PEMT: variants seen among roughly 807,000 people sequenced by gnomAD.
The protein encoded by PEMT is phosphatidylethanolamine N-methyltransferase.
A neutral mutation model predicts 27.4 loss-of-function variants in PEMT; 23 were observed. The ratio of observed to expected loss-of-function variants is 0.84; its 90% CI spans 0.60 to 1.19. The LOEUF (loss-of-function observed/expected upper bound fraction) is 1.19. PEMT is among the 50% of genes most tolerant of loss of function. The pLI, the probability that PEMT is intolerant of heterozygous loss-of-function variation, is 0.00. For missense variants in PEMT, 307 were observed against 310.1 expected (o/e 0.99, Z 0.07); for synonymous variants, 137 against 139.1 (o/e 0.98, Z 0.11).
At chr17:17,586,471 A>G (rs1912321693) in intron 1 of PEMT, among the ~76,000 whole-genome samples, 1 of 152,124 alleles carries the variant, frequency 6.6e-6, no homozygotes, top group Non-Finnish European at 1.5e-5. Context: ...TAGAAAGCAT[A>G]CACAGTATGC....
chr17:17,551,847 T>A (rs891069316), intron 2 of PEMT, among the ~76,000 whole-genome samples: 1 of 152,146 alleles, frequency 6.6e-6, no homozygotes, highest in Non-Finnish European at 1.5e-5. Context: ...GGAACCTACC[T>A]GAGACTGAGA....
chr17:17,507,643 C>A (rs1251112835), intron 5 of PEMT: 2 of 167,006 alleles, frequency 1.2e-5, no homozygotes, highest in African/African-American at 4.8e-5. Flanking sequence ...ACAGCCAGGC[C>A]ACCACCTCTG....
At chr17:17,526,472 G>T (rs1907677310) in intron 2 of PEMT, among the ~76,000 whole-genome samples, 1 of 152,264 alleles carries the variant, frequency 6.6e-6, no homozygotes, top group Non-Finnish European at 1.5e-5. Flanking sequence ...GTGGAAGGAG[G>T]GGTAGAGCAG....
rs963989884 is a variant in PEMT at position 17,588,175 on chromosome 17, C to T, written c.96+3356G>A. ...ACGGAAAGCCTCAACCCTGCTCTGTCTTGGCTGATGCCAAAATTACTGAAG... is the reference window on the plus strand; with the variant it reads ...ACGGAAAGCCTCAACCCTGCTCTGTTTTGGCTGATGCCAAAATTACTGAAG... On this transcript the variant is annotated intron_variant, in intron 1 of 6. Transcript: ENST00000255389. 1.1e-4 allele frequency among the ~76,000 whole-genome samples: 17 copies of T among 152,326 alleles called. 1 individual carries two copies. Among genetic ancestry groups the T allele is most frequent in the African/African-American group, 4.1e-4 (17 of 41,578 alleles).
intron 2 of PEMT, among the ~76,000 whole-genome samples, chr17:17,529,352 C>G (rs534428247): frequency 3.3e-5 from 5 of 152,342 alleles, no homozygotes; most frequent in Admixed American, 3.3e-4. Context: ...GACATAGGAC[C>G]AGTGGCAGCT....
Position 17,576,962 on chromosome 17 carries a change from A to C in PEMT, c.162T>G (p.Ala54=), listed in dbSNP as rs576152627. 1.2e-6 allele frequency: 2 copies of C among 1,614,112 alleles called. No individual in the cohort carries two copies. The highest frequency in any genetic ancestry group is 2.2e-5 in the South Asian group (2 of 91,084). The change falls in exon 2 of 7, where the codon GCT becomes GCG. Residue 54 remains alanine (A), a synonymous_variant. Transcript: ENST00000255389. ...GATTGAAGGTGATGGTGATGACGGC[A>C]GCCACAAAGCTGGGATCCAGGGGGT... The part of the protein sequence containing the change: ...YVDPLDPSFV[A]AVITITFNPL...
intron 2 of PEMT, among the ~76,000 whole-genome samples, chr17:17,560,843 C>G (rs1301679933): frequency 6.6e-6 from 1 of 151,776 alleles, no homozygotes; most frequent in Non-Finnish European, 1.5e-5. Context: ...CCACCTCCAC[C>G]TCACCCCACC....
At chr17:17,543,104 G>C (rs570612004) in intron 2 of PEMT, among the ~76,000 whole-genome samples, 2 of 152,326 alleles carry the variant, frequency 1.3e-5, no homozygotes, top group Admixed American at 6.5e-5. Context: ...CTCAGGCCCT[G>C]GCCCGGGCCA....
intron 1 of PEMT, among the ~76,000 whole-genome samples, chr17:17,590,296 T>C (rs1456384716): frequency 6.6e-6 from 1 of 152,182 alleles, no homozygotes; most frequent in African/African-American, 2.4e-5. Flanking sequence ...GGTCCTGCGC[T>C]CCCTCAGGGC....
At chr17:17,511,911 C>G (rs1393811569) in intron 4 of PEMT, among the ~76,000 whole-genome samples, 2 of 149,438 alleles carry the variant, frequency 1.3e-5, no homozygotes, top group South Asian at 4.3e-4. Context: ...CATTGGTGGG[C>G]GTCTAGCCAG....
At chr17:17,562,138 G>A (rs1246942709) in intron 2 of PEMT, among the ~76,000 whole-genome samples, 1 of 152,240 alleles carries the variant, frequency 6.6e-6, no homozygotes, top group Non-Finnish European at 1.5e-5. Flanking sequence ...GCAGTGAGAG[G>A]CATAGGGGGC....
chr17:17,510,368 C>T (rs1906274521), intron 4 of PEMT, among the ~76,000 whole-genome samples: 1 of 152,212 alleles, frequency 6.6e-6, no homozygotes, highest in African/African-American at 2.4e-5. Context: ...TGGCTTCGTT[C>T]CTCCCAGCCT....
intron 2 of PEMT, among the ~76,000 whole-genome samples, chr17:17,557,034 A>G (rs1567721457): frequency 6.6e-6 from 1 of 151,932 alleles, no homozygotes; most frequent in Non-Finnish European, 1.5e-5. Flanking sequence ...AATCTCCCTC[A>G]CCTTGCTGAG....
rs59657645 is a variant in PEMT at position 17,558,189 on chromosome 17, AAC to A, written c.204+18729_204+18730del. Reference sequence around the variant, plus strand: ...AGACTCCCGTCTCCACACACATACAAACACACACACACACACACACAAATTTA... The same window carrying A: ...AGACTCCCGTCTCCACACACATACAAACACACACACACACACACAAATTTA... On this transcript the variant is annotated intron_variant, in intron 2 of 6. Coordinates refer to ENST00000255389, the MANE Select transcript of PEMT (RefSeq NM_148172.3). Among the ~76,000 whole-genome samples, 118 of 150,068 alleles carry A rather than the reference AAC, an allele frequency of 7.9e-4. 1 individual carries two copies. Among genetic ancestry groups the A allele is most frequent in the Admixed American group, 1.7e-3 (26 of 15,070 alleles).
intron 2 of PEMT, among the ~76,000 whole-genome samples, chr17:17,562,617 T>C (rs1303045068): frequency 6.6e-6 from 1 of 152,208 alleles, no homozygotes; most frequent in East Asian, 1.9e-4. Flanking sequence ...GAGACCAGCC[T>C]GGCCAACATG....
Position 17,582,172 on chromosome 17 carries a change from G to T in PEMT, c.97-5145C>A. On this transcript the variant is annotated intron_variant, in intron 1 of 6. Coordinates refer to ENST00000255389, the MANE Select transcript of PEMT (RefSeq NM_148172.3). The surrounding 1 kb of genome is among the most constrained non-coding windows in gnomAD (Gnocchi z 4.9). ...CCTCCTTCATACAACAGAGGTCCCG[G>T]CTTTCTGCTACCCAGTAATTCTAAT... 1 of 735,032 alleles carries T rather than the reference G, an allele frequency of 1.4e-6. No homozygotes were observed. The highest frequency in any genetic ancestry group is 1.7e-6 in the Non-Finnish European group (1 of 601,388). 45.5% of individuals were successfully genotyped at this position (735,032 alleles called of 1,614,324 possible).
intron 2 of PEMT, among the ~76,000 whole-genome samples, chr17:17,556,863 A>G (rs1425001644): frequency 1.3e-5 from 2 of 152,154 alleles, no homozygotes; most frequent in Admixed American, 6.5e-5. Context: ...GCGTCTGCAG[A>G]TGTCGTGGCT....
chr17:17,512,610 T>C lies in PEMT; in HGVS notation c.365A>G (p.Asp122Gly). 1.3e-6 allele frequency: 2 copies of C among 1,594,840 alleles called. No individual in the cohort carries two copies. Among genetic ancestry groups the C allele is most frequent in the Non-Finnish European group, 1.7e-6 (2 of 1,169,372 alleles). ...GCCCAGGCTGTAGGCCGCGGGGGTG[T>C]CCAGGCTCTCCATCCTGGGCTGGCT... The part of the protein sequence containing the change: ...MLSQPRMESL[D>G]TPAAYSLGLA... Residue 122 changes from aspartate (D) to glycine (G), a missense_variant, in exon 4 of 7, where the codon GAC (aspartate) becomes GGC (glycine). Physicochemically the swap from Asp to Gly is moderately conservative, Grantham distance 94. Transcript: ENST00000255389. This position sits in a 1 kb window ranked among gnomAD's most constrained non-coding sequence, Gnocchi z 6.3.
chr17:17,554,279 C>T (rs1025958450), intron 2 of PEMT, among the ~76,000 whole-genome samples: 3 of 152,212 alleles, frequency 2.0e-5, no homozygotes, highest in South Asian at 2.1e-4. Context: ...CTCTGTCCCT[C>T]GGTAAACAAG....
Sources: gnomAD v4.1 joint callset for allele counts (sites outside exome capture counted in the v4.1 genomes callset) on GRCh38, gnomAD v4.1.1 for gene constraint, Gnocchi (gnomAD v3.1) non-coding constraint, MANE v1.5 for transcripts, NCBI Gene and HGNC (gene_info 2026-07-23, HGNC 2026-07-21) for gene names.